The following ART3 variants were observed in gnomAD, a reference collection of about 807,000 sequenced individuals.
ART3 encodes the protein ADP-ribosyltransferase 3 (inactive).
Under a neutral mutation model 48.5 loss-of-function variants are expected in ART3, and 49 were observed. The observed-to-expected ratio is 1.01, with a 90% CI of 0.80 to 1.28. The LOEUF is 1.28. Among genes scored for constraint, ART3 ranks in the 50% most tolerant of loss-of-function variants. ART3 has a pLI of 0.00. For missense variants in ART3, 438 were observed against 454.3 expected (o/e 0.96, Z 0.33); for synonymous variants, 145 against 157.2 (o/e 0.92, Z 0.58).
chr4:76,071,455 C>G (rs1720311383), upstream of ART3, among the ~76,000 whole-genome samples: 1 of 152,060 alleles, frequency 6.6e-6, no homozygotes, highest in South Asian at 2.1e-4. Context: ...CTTTTATGTC[C>G]TTTATAGAAA....
At chr4:76,034,328 C>T (rs781157998) in intron 1 of ART3, 2 of 399,446 alleles carry the variant, frequency 5.0e-6, no homozygotes, top group Non-Finnish European at 8.8e-6. Flanking sequence ...ACCGTAACCA[C>T]AGATAGTAAT....
chr4:76,072,277 A>G (rs2149507861), upstream of ART3, among the ~76,000 whole-genome samples: 1 of 152,356 alleles, frequency 6.6e-6, no homozygotes, highest in East Asian at 1.9e-4. Flanking sequence ...AAAATACAGT[A>G]GACTTTTAGA....
intron 1 of ART3, among the ~76,000 whole-genome samples, chr4:76,063,995 G>C (rs1719473223): frequency 6.6e-6 from 1 of 151,994 alleles, no homozygotes; most frequent in Admixed American, 6.6e-5. Flanking sequence ...TAAATATGAA[G>C]CAAAAAGCTG....
chr4:76,077,012 A>G (rs1721245683), intron 2 of ART3, among the ~76,000 whole-genome samples: 1 of 152,138 alleles, frequency 6.6e-6, no homozygotes, highest in Non-Finnish European at 1.5e-5. Context: ...GTGTCGCAGT[A>G]TGTTTTTTAT....
chr4:76,037,621 C>T (rs115354596), intron 1 of ART3, among the ~76,000 whole-genome samples: 2,036 of 152,020 alleles, frequency 0.013, 20 homozygotes, highest in Middle Eastern at 0.024. Flanking sequence ...GGATGAGCCA[C>T]GGTGCTTGGC....
chr4:76,027,114 G>C (rs192379085), intron 1 of ART3, among the ~76,000 whole-genome samples: 165 of 152,190 alleles, frequency 1.1e-3, no homozygotes, highest in Non-Finnish European at 2.0e-3. Context: ...TTGGCTGGGC[G>C]TGGTGGTGGG....
chr4:76,025,485 T>C (rs1426248103), intron 1 of ART3, among the ~76,000 whole-genome samples: 1 of 152,232 alleles, frequency 6.6e-6, no homozygotes, highest in Non-Finnish European at 1.5e-5. Flanking sequence ...AACATTGTAT[T>C]ACATTAACTG....
intron 1 of ART3, chr4:76,023,409 A>G (rs1309416510): frequency 6.2e-7 from 1 of 1,613,942 alleles, no homozygotes; most frequent in Non-Finnish European, 8.5e-7. Context: ...AAGGCAGCAA[A>G]TCAGAATGGC....
intron 1 of ART3, among the ~76,000 whole-genome samples, chr4:76,065,121 G>A (rs1719601070): frequency 6.6e-6 from 1 of 152,102 alleles, no homozygotes; most frequent in African/African-American, 2.4e-5. Flanking sequence ...CGTGAGTAAT[G>A]GTAGCCATAG....
Position 76,109,096 on chromosome 4 carries a change from A to G in ART3, c.1036+1303A>G, listed in dbSNP as rs370359471. On this transcript the variant is annotated intron_variant, in intron 11 of 11. Coordinates refer to ENST00000355810, the MANE Select transcript of ART3 (RefSeq NM_001130016.3). ...ACAAATTTTCCTTCTTCAATAGTAAATTAACCGTAGCTTAATGTAACTGTT... is the reference window on the plus strand; with the variant it reads ...ACAAATTTTCCTTCTTCAATAGTAAGTTAACCGTAGCTTAATGTAACTGTT... 3.9e-5 allele frequency among the ~76,000 whole-genome samples: 6 copies of G among 152,308 alleles called. No homozygotes were observed. In the South Asian group the frequency reaches 6.2e-4, roughly 16 times the overall value.
At chr4:76,086,303 G>A (rs913413078) in intron 3 of ART3, among the ~76,000 whole-genome samples, 2 of 152,184 alleles carry the variant, frequency 1.3e-5, no homozygotes, top group Admixed American at 6.5e-5. Context: ...CTTAAAAAAA[G>A]AGAGAGATTC....
chr4:76,037,174 A>G (rs1254599180), intron 1 of ART3: 1 of 152,744 alleles, frequency 6.5e-6, no homozygotes, highest in African/African-American at 2.4e-5. Context: ...CATAAAAAAA[A>G]GTGATCCTCT....
chr4:76,094,145 C>T (rs1169597088), intron 3 of ART3, among the ~76,000 whole-genome samples: 3 of 152,182 alleles, frequency 2.0e-5, no homozygotes, highest in Non-Finnish European at 2.9e-5. Flanking sequence ...TTGAACCTGC[C>T]ATTACCTTGA....
intron 1 of ART3, among the ~76,000 whole-genome samples, chr4:76,040,697 C>T (rs901478690): frequency 6.6e-6 from 1 of 152,102 alleles, no homozygotes; most frequent in African/African-American, 2.4e-5. Context: ...ATCCCTCCCC[C>T]ATGTAGACAC....
At chr4:76,086,467 G>A (rs994041426) in intron 3 of ART3, among the ~76,000 whole-genome samples, 2 of 152,190 alleles carry the variant, frequency 1.3e-5, no homozygotes, top group African/African-American at 4.8e-5. Flanking sequence ...GGTGTGGGGA[G>A]AGGAACTGAA....
intron 1 of ART3, among the ~76,000 whole-genome samples, chr4:76,020,535 C>T (rs1456753727): frequency 6.6e-6 from 1 of 152,116 alleles, no homozygotes; most frequent in African/African-American, 2.4e-5. Flanking sequence ...TAGAATTACT[C>T]CCAGGTTTCT....
At chr4:76,086,659 G>A (rs1723649399) in intron 3 of ART3, among the ~76,000 whole-genome samples, 1 of 152,162 alleles carries the variant, frequency 6.6e-6, no homozygotes, top group Non-Finnish European at 1.5e-5. Context: ...CTTCACTATA[G>A]TAACCATTTT....
chr4:76,040,093 G>A (rs1264104899), intron 1 of ART3, among the ~76,000 whole-genome samples: 2 of 152,226 alleles, frequency 1.3e-5, no homozygotes, highest in Admixed American at 1.3e-4. Context: ...GGGAGACCGA[G>A]GCAGGCGGAT....
At chr4:76,013,209 A>G (rs1221827890) in intron 1 of ART3, among the ~76,000 whole-genome samples, 1 of 152,200 alleles carries the variant, frequency 6.6e-6, no homozygotes, top group Admixed American at 6.5e-5. Flanking sequence ...ATTTGTTACA[A>G]GAAGAAGTTG....
Sources: gnomAD v4.1 joint callset for allele counts (sites outside exome capture counted in the v4.1 genomes callset) on GRCh38, gnomAD v4.1.1 for gene constraint, MANE v1.5 for transcripts, NCBI Gene and HGNC (gene_info 2026-07-23, HGNC 2026-07-21) for gene names.